The following TCHP variants were observed in gnomAD, a reference collection of about 807,000 sequenced individuals.
The protein encoded by TCHP is trichoplein keratin filament-binding protein.
TCHP carries 81 observed loss-of-function variants against 88.7 expected under a neutral mutation model. That is an observed-to-expected ratio of 0.91 (90% CI 0.76 to 1.10). TCHP has a LOEUF of 1.10. Among genes scored for constraint, TCHP ranks in the 50% least tolerant of loss-of-function variants. TCHP has a pLI of 0.00. For synonymous variants in TCHP, 232 were observed against 232.5 expected, an observed-to-expected ratio of 1.00 and a Z score of 0.02; for missense variants, 641 against 632.1, an observed-to-expected ratio of 1.01 and a Z score of -0.15.
At position 109,905,476 on chromosome 12, in the gene TCHP, G is replaced by A. The variant is rs1348602010; in HGVS notation, c.456+683G>A. 2.0e-5 allele frequency among the ~76,000 whole-genome samples: 3 copies of A among 152,188 alleles called. No individual in the cohort carries two copies. The highest frequency in any genetic ancestry group is 2.1e-4 in the South Asian group (1 of 4,826). ...AGACTCCTCTGGTAGCAATGTGCCC[G>A]CCGACAGGGAGGGGTGCTGCGACAG... On this transcript the variant is annotated intron_variant, in intron 4 of 12. Transcript: ENST00000405876. This position sits in a 1 kb window ranked among gnomAD's most constrained non-coding sequence, Gnocchi z 4.0.
At chr12:109,915,355 G>A (rs752027095) in intron 11 of TCHP, 48 bp from the exon 12 acceptor site, 1 of 1,613,552 alleles carries the variant, frequency 6.2e-7, no homozygotes, top group Non-Finnish European at 8.5e-7. Flanking sequence ...GCAGGGCTCT[G>A]CCCTGTGGGC....
At position 109,914,433 on chromosome 12, in the gene TCHP, T is replaced by C. The variant is rs768237600; in HGVS notation, c.1135-9T>C. 6.2e-7 allele frequency: 1 copy of C among 1,604,924 alleles called. No homozygotes were observed. Among genetic ancestry groups the C allele is most frequent in the Non-Finnish European group, 8.5e-7 (1 of 1,173,662 alleles). The stretch of plus-strand genomic sequence containing the variant: ...CTCAAAGCTGCCCTTTTCTTTCTGC[T>C]GAGGTTAGGTTCTGACAGGGAGACA... On this transcript the variant is annotated splice_polypyrimidine_tract_variant and intron_variant, in intron 10 of 12. Coordinates refer to ENST00000405876, the MANE Select transcript of TCHP (RefSeq NM_001143852.2).
upstream of TCHP, among the ~76,000 whole-genome samples, chr12:109,895,811 C>G (rs1185475820): frequency 6.6e-6 from 1 of 152,166 alleles, no homozygotes; most frequent in Non-Finnish European, 1.5e-5. Flanking sequence ...TGCTAGGATA[C>G]CTAAAATCAC....
rs755967735 is a variant in TCHP, at chr12:109,916,641, G to C, written c.*18G>C. The stretch of plus-strand genomic sequence containing the variant: ...GGAACTGACTTCATGGGTACCATAA[G>C]TACAGAGAACAAGGGATGCTGAGGC... On this transcript the variant is annotated 3_prime_UTR_variant, in exon 13 of 13. Transcript: ENST00000405876. The C allele has an allele frequency of 6.2e-7, 1 of 1,612,698 alleles. No homozygotes were observed. The highest frequency in any genetic ancestry group is 1.1e-5 in the South Asian group (1 of 90,652).
At chr12:109,893,606 C>T in the TCHP span, among the ~76,000 whole-genome samples, 4 of 152,156 alleles carry the variant, frequency 2.6e-5, no homozygotes, top group Non-Finnish European at 5.9e-5. Context: ...ATGTTGAGAT[C>T]GGCTGATGCC....
chr12:109,895,824 G>A (rs985614747), upstream of TCHP, among the ~76,000 whole-genome samples: 1 of 152,108 alleles, frequency 6.6e-6, no homozygotes, highest in African/African-American at 2.4e-5. Context: ...AAAATCACAA[G>A]TCCTGGAGCA....
chr12:109,903,955 G>A lies in TCHP; in HGVS notation c.207G>A (p.Arg69=). 6.2e-7 allele frequency: 1 copy of A among 1,608,746 alleles called. No homozygotes were observed. Among genetic ancestry groups the A allele is most frequent in the South Asian group, 1.1e-5 (1 of 89,786 alleles). ...CACCCAGCATGCATGCCTATCAGCG[G>A]GAGAAGATGAAGGAGGAGAAGAGGA... ...SYQRSMHAYQ[R]EKMKEEKRRS... is the part of the protein sequence containing the mutation. Residue 69 remains arginine, a synonymous_variant, in exon 3 of 13, where the codon CGG becomes CGA. Coordinates refer to ENST00000405876, the MANE Select transcript of TCHP (RefSeq NM_001143852.2). The surrounding 1 kb of genome is among the most constrained non-coding windows in gnomAD (Gnocchi z 4.6).
rs934306095 is a variant in TCHP at position 109,905,903 on chromosome 12, G to C, written c.457-669G>C. ...TTTTTTATAGAGACAGGGTCTCCCT[G>C]TGTTGCTCAGGCTGGTCTCAAACCT... On this transcript the variant is annotated intron_variant, in intron 4 of 12. Coordinates refer to ENST00000405876, the MANE Select transcript of TCHP (RefSeq NM_001143852.2). The surrounding 1 kb of genome is among the most constrained non-coding windows in gnomAD (Gnocchi z 4.0). 6.6e-6 allele frequency among the ~76,000 whole-genome samples: 1 copy of C among 152,220 alleles called. No homozygotes were observed. Among genetic ancestry groups the C allele is most frequent in the Non-Finnish European group, 1.5e-5 (1 of 68,026 alleles).
intron 11 of TCHP, 62 bp downstream of exon 11, chr12:109,914,689 A>G: frequency 6.8e-7 from 1 of 1,465,430 alleles, no homozygotes; most frequent in Non-Finnish European, 9.4e-7. Flanking sequence ...TCATCATGGG[A>G]CAGGGTTCAG....
the TCHP span, among the ~76,000 whole-genome samples, chr12:109,892,894 TCTC>T: frequency 6.6e-6 from 1 of 152,042 alleles, no homozygotes; most frequent in African/African-American, 2.4e-5. Context: ...GTTGGCTGAG[TCTC>T]CTCCTCTTTG....
upstream of TCHP, chr12:109,900,175 G>C (rs1334382304): frequency 6.6e-6 from 1 of 152,280 alleles, no homozygotes; most frequent in Non-Finnish European, 1.5e-5. Context: ...TCAAGGAGCA[G>C]CGACGTTTGC....
chr12:109,909,674 G>C (rs1416382950), intron 8 of TCHP, among the ~76,000 whole-genome samples: 2 of 152,022 alleles, frequency 1.3e-5, no homozygotes, highest in East Asian at 3.9e-4. Context: ...ACAAAAACTA[G>C]CCGGACATGG....
chr12:109,885,385 C>T, the TCHP span, among the ~76,000 whole-genome samples: 1 of 151,010 alleles, frequency 6.6e-6, no homozygotes, highest in South Asian at 2.1e-4. Flanking sequence ...TTGTGTGTCA[C>T]AAACTATCAC....
the TCHP span, among the ~76,000 whole-genome samples, chr12:109,885,788 T>C: frequency 6.6e-6 from 1 of 152,050 alleles, no homozygotes; most frequent in Non-Finnish European, 1.5e-5. Context: ...GCCTTTTTTT[T>C]TTTTTAAGAG....
At chr12:109,891,498 A>G in the TCHP span, among the ~76,000 whole-genome samples, 1 of 151,446 alleles carries the variant, frequency 6.6e-6, no homozygotes, top group Non-Finnish European at 1.5e-5. Context: ...GGTTCAAGCA[A>G]TTCTCCTGCC....
the TCHP span, chr12:109,888,001 T>C: frequency 6.6e-6 from 1 of 152,530 alleles, no homozygotes; most frequent in Non-Finnish European, 1.5e-5. Flanking sequence ...CTCGAACTCT[T>C]GGCCTCAAGC....
chr12:109,895,957 T>A (rs1474249380), upstream of TCHP, among the ~76,000 whole-genome samples: 1 of 151,998 alleles, frequency 6.6e-6, no homozygotes, highest in Non-Finnish European at 1.5e-5. Context: ...TGCAGGCCTC[T>A]TTTTTTTGAG....
intron 6 of TCHP, 68 bp from the exon 7 acceptor site, chr12:109,908,518 A>C: frequency 1.5e-6 from 2 of 1,353,440 alleles, no homozygotes; most frequent in Non-Finnish European, 2.1e-6. Flanking sequence ...ATGGAGATGG[A>C]GAATGAAGGA....
intron 1 of TCHP, among the ~76,000 whole-genome samples, chr12:109,902,129 T>C (rs1869832779): frequency 6.6e-6 from 1 of 152,200 alleles, no homozygotes. Flanking sequence ...GTTGTGTTCC[T>C]GGTGATGGCT....
Sources: allele counts gnomAD v4.1 joint callset (sites outside exome capture counted in the v4.1 genomes callset), GRCh38; gene constraint gnomAD v4.1.1; non-coding constraint Gnocchi (gnomAD v3.1); transcripts MANE v1.5; gene names NCBI Gene and HGNC (gene_info 2026-07-23, HGNC 2026-07-21).